The following RFX2 variants were observed in gnomAD, a reference collection of about 807,000 sequenced individuals.
The protein encoded by RFX2 is regulatory factor X2.
In RFX2, 20 loss-of-function variants were observed where a neutral mutation model predicts 87.8. The ratio of observed to expected loss-of-function variants is 0.23; its 90% confidence interval spans 0.16 to 0.33. The LOEUF (loss-of-function observed/expected upper bound fraction) is 0.33. RFX2 is among the 10% of genes least tolerant of loss of function. The pLI, the probability that RFX2 is intolerant of heterozygous loss-of-function variation, is 1.00. For synonymous variants in RFX2, 397 were observed against 431.3 expected (o/e 0.92, Z 0.98); for missense variants, 767 against 1,012.3 (o/e 0.76, Z 3.29).
At chr19:6,085,084 T>C (rs1171642849) in intron 1 of RFX2, among the ~76,000 whole-genome samples, 1 of 152,252 alleles carries the variant, frequency 6.6e-6, no homozygotes, top group Non-Finnish European at 1.5e-5. Flanking sequence ...CACATTTTAT[T>C]TATCCATTCA....
intron 1 of RFX2, among the ~76,000 whole-genome samples, chr19:6,109,094 A>G (rs1331358659): frequency 1.3e-5 from 2 of 151,952 alleles, no homozygotes; most frequent in Non-Finnish European, 2.9e-5. Context: ...TAAATCCACA[A>G]ACACACACAC....
rs995233659 is a variant in RFX2, at chr19:6,083,189, G to A, written c.-9+27204C>T. Among the ~76,000 whole-genome samples, 8 of 152,192 alleles carry A rather than the reference G, an allele frequency of 5.3e-5. No homozygotes were observed. Among genetic ancestry groups the A allele is most frequent in the Admixed American group, 3.9e-4 (6 of 15,280 alleles). On this transcript the variant is annotated intron_variant, in intron 1 of 17. Coordinates refer to ENST00000303657, the MANE Select transcript of RFX2 (RefSeq NM_000635.4). This position sits in a 1 kb window ranked among gnomAD's most constrained non-coding sequence, Gnocchi z 4.6. ...CCTAGAGTGCTAGAATTACAGGCAT[G>A]AGCCACTGTGCCCGGCCTTCATCAT...
Position 6,024,038 on chromosome 19 carries a change from C to T in RFX2, c.597+2125G>A, listed in dbSNP as rs539062017. ...CAAGTGGTACACCCGCCTTGGTCTCCCAAACTGCTGGGATTACAGGCGTGA... is the reference window on the plus strand; with the variant it reads ...CAAGTGGTACACCCGCCTTGGTCTCTCAAACTGCTGGGATTACAGGCGTGA... On this transcript the variant is annotated intron_variant, in intron 6 of 17. Coordinates refer to ENST00000303657, the MANE Select transcript of RFX2 (RefSeq NM_000635.4). The surrounding 1 kb of genome is among the most constrained non-coding windows in gnomAD (Gnocchi z 5.0). Among the ~76,000 whole-genome samples the T allele has an allele frequency of 1.3e-5, 2 of 152,286 alleles. No individual in the cohort carries two copies. Among genetic ancestry groups the T allele is most frequent in the African/African-American group, 4.8e-5 (2 of 41,570 alleles).
rs114214766 is a variant in RFX2, at chr19:6,066,205, G to A, written c.-8-18701C>T. ...GGGCACTTTGTTAGTGGGAACGTGC[G>A]ACCTCTCTTAATAAACATAACATAC... On this transcript the variant is annotated intron_variant, in intron 1 of 17. Coordinates refer to ENST00000303657, the MANE Select transcript of RFX2 (RefSeq NM_000635.4). Among the ~76,000 whole-genome samples, 1,056 of 152,202 alleles carry A rather than the reference G, an allele frequency of 6.9e-3. 15 individuals carry two copies. The highest frequency in any genetic ancestry group is 0.024 in the African/African-American group (1,004 of 41,520).
chr19:6,104,461 C>T (rs199653871), intron 1 of RFX2, among the ~76,000 whole-genome samples: 2 of 150,606 alleles, frequency 1.3e-5, no homozygotes, highest in African/African-American at 4.9e-5. Flanking sequence ...CCCAGCTACT[C>T]GGGAGGCTGA....
rs1283602658 is a variant in RFX2 at position 6,020,874 on chromosome 19, C to T, written c.598-4603G>A. Among the ~76,000 whole-genome samples, 1 of 152,262 alleles carries T rather than the reference C, an allele frequency of 6.6e-6. No homozygotes were observed. Among genetic ancestry groups the T allele is most frequent in the Non-Finnish European group, 1.5e-5 (1 of 68,050 alleles). On this transcript the variant is annotated intron_variant, in intron 6 of 17. Coordinates refer to ENST00000303657, the MANE Select transcript of RFX2 (RefSeq NM_000635.4). This position sits in a 1 kb window ranked among gnomAD's most constrained non-coding sequence, Gnocchi z 5.3. ...CATGTGTACCCACATTTGCCACAAT[C>T]TGTCAGGACAGCACACTTCTTGATG...
At chr19:6,103,031 C>CA (rs896340656) in intron 1 of RFX2, among the ~76,000 whole-genome samples, 2 of 152,158 alleles carry the variant, frequency 1.3e-5, no homozygotes, top group South Asian at 2.1e-4. Flanking sequence ...CACACACGTC[C>CA]AAAAAAACTG....
chr19:6,042,275 C>T, intron 3 of RFX2, 152 bp from the exon 4 acceptor site: 1 of 696,280 alleles, frequency 1.4e-6, no homozygotes, highest in Non-Finnish European at 2.6e-6. Context: ...TAGAAAGACA[C>T]TGAGGAGACA....
chr19:6,089,894 G>T (rs1203598288), intron 1 of RFX2, among the ~76,000 whole-genome samples: 1 of 152,084 alleles, frequency 6.6e-6, no homozygotes, highest in Non-Finnish European at 1.5e-5. Context: ...AGAAACTTGT[G>T]GATTAGAGAA....
At chr19:6,091,540 G>C (rs1413406198) in intron 1 of RFX2, among the ~76,000 whole-genome samples, 2 of 152,038 alleles carry the variant, frequency 1.3e-5, no homozygotes, top group African/African-American at 4.8e-5. Context: ...GCCACGAAGA[G>C]AAACAATGAT....
rs961264602 is a variant in RFX2, at chr19:6,007,307, T to C, written c.1248-141A>G. The C allele has an allele frequency of 2.1e-5, 17 of 799,982 alleles. No individual in the cohort carries two copies. In the African/African-American group the frequency reaches 2.6e-4, roughly 12 times the overall value. The allele number at this position is 799,982 out of a possible 1,614,324, so 49.6% of individuals were successfully genotyped here. On this transcript the variant is annotated intron_variant, in intron 11 of 17. Coordinates refer to ENST00000303657, the MANE Select transcript of RFX2 (RefSeq NM_000635.4). The surrounding 1 kb of genome is among the most constrained non-coding windows in gnomAD (Gnocchi z 8.2). ...TTTGCTCCCCATCCCTGAGCCTCGATGGGTCCCCTCCCTCCATGTTGCTCC... is the reference window on the plus strand; with the variant it reads ...TTTGCTCCCCATCCCTGAGCCTCGACGGGTCCCCTCCCTCCATGTTGCTCC...
intron 1 of RFX2, among the ~76,000 whole-genome samples, chr19:6,065,516 G>A (rs912155893): frequency 1.3e-5 from 2 of 152,014 alleles, no homozygotes; most frequent in Non-Finnish European, 1.5e-5. Flanking sequence ...GTGCGGTGGC[G>A]GGCGCCTGTA....
chr19:6,019,254 C>T (rs1469697432), intron 6 of RFX2, among the ~76,000 whole-genome samples: 2 of 152,204 alleles, frequency 1.3e-5, no homozygotes, highest in Admixed American at 6.5e-5. Context: ...GACTTCATCT[C>T]TTCCTCACTT....
chr19:6,046,243 T>C (rs761027187), intron 2 of RFX2, among the ~76,000 whole-genome samples: 8 of 152,192 alleles, frequency 5.3e-5, no homozygotes, highest in Non-Finnish European at 1.0e-4. Context: ...AAGAATATGT[T>C]CATTCAGGTG....
At position 6,002,841 on chromosome 19, in the gene RFX2, C is replaced by T. The variant is rs144909436; in HGVS notation, c.1530G>A (p.Thr510=). Residue 510 remains threonine, a synonymous_variant, in exon 14 of 18, where the codon ACG becomes ACA. Transcript: ENST00000303657. The surrounding 1 kb of genome is among the most constrained non-coding windows in gnomAD (Gnocchi z 6.7). ...KVGVVSAFAQ[T]LRRYTSLNHL... ...GGTTGAGGGACGTGTAGCGCCGCAG[C>T]GTCTGGGCGAAGGCACTGACGACGC... 6.6e-4 allele frequency: 1,063 copies of T among 1,611,544 alleles called. No homozygotes were observed. The highest frequency in any genetic ancestry group is 8.6e-4 in the Non-Finnish European group (1,018 of 1,179,444).
At chr19:6,036,546 G>A (rs181644644) in intron 5 of RFX2, among the ~76,000 whole-genome samples, 2 of 152,282 alleles carry the variant, frequency 1.3e-5, no homozygotes, top group East Asian at 3.9e-4. Context: ...TCTATCTCAG[G>A]AGATGAGCCT....
chr19:6,030,509 A>G (rs1224767777), intron 5 of RFX2, among the ~76,000 whole-genome samples: 1 of 152,244 alleles, frequency 6.6e-6, no homozygotes, highest in Non-Finnish European at 1.5e-5. Context: ...AAAAGACTAT[A>G]TATTATATAA....
intron 5 of RFX2, among the ~76,000 whole-genome samples, chr19:6,036,286 G>A (rs113657027): frequency 2.0e-5 from 3 of 152,188 alleles, no homozygotes; most frequent in Non-Finnish European, 4.4e-5. Flanking sequence ...GTGGCTAGGG[G>A]TAGAAGCAGC....
Position 6,010,288 on chromosome 19 carries a change from C to T in RFX2, c.900-37G>A. ...ACACGCATACCATCATGAGGCCCAG[C>T]AGCCCTGCTGCGGGTGGGCCCAAAG... On this transcript the variant is annotated intron_variant, in intron 8 of 17. Transcript: ENST00000303657. This position sits in a 1 kb window ranked among gnomAD's most constrained non-coding sequence, Gnocchi z 5.0. The T allele has an allele frequency of 7.1e-7, 1 of 1,405,664 alleles. No individual in the cohort carries two copies. The highest frequency in any genetic ancestry group is 9.8e-7 in the Non-Finnish European group (1 of 1,021,668). The allele number at this position is 1,405,664 out of a possible 1,614,324, so 87.1% of individuals were successfully genotyped here. A position where few individuals can be genotyped will look rare whatever the true frequency, so the allele number is the denominator to read the frequency against.
Sources: gnomAD v4.1 joint callset for allele counts (sites outside exome capture counted in the v4.1 genomes callset) on GRCh38, gnomAD v4.1.1 for gene constraint, Gnocchi (gnomAD v3.1) non-coding constraint, MANE v1.5 for transcripts, NCBI Gene and HGNC (gene_info 2026-07-23, HGNC 2026-07-21) for gene names.